TENM2: variants seen among roughly 807,000 people sequenced by gnomAD.
The protein encoded by TENM2 is teneurin-2.
In TENM2, 52 loss-of-function variants were observed where a neutral mutation model predicts 245.2. The observed-to-expected ratio is 0.21, with a 90% CI of 0.17 to 0.27. The LOEUF is 0.27. TENM2 is among the 10% of genes least tolerant of loss of function. The pLI is 1.00. For synonymous variants in TENM2, 1,363 were observed against 1,438.9 expected, an observed-to-expected ratio of 0.95 and a Z score of 1.19; for missense variants, 3,046 against 3,666.8, an observed-to-expected ratio of 0.83 and a Z score of 4.37.
At chr5:167,591,415 A>G (rs1421888625) in intron 2 of TENM2, among the ~76,000 whole-genome samples, 1 of 152,224 alleles carries the variant, frequency 6.6e-6, no homozygotes, top group Non-Finnish European at 1.5e-5. Flanking sequence ...CTATTACTCA[A>G]CCTAGGAACT....
At position 167,688,102 on chromosome 5, in the gene TENM2, A is replaced by C. The variant is rs1757194687; in HGVS notation, c.503-187884A>C. ...TTATGGAGAAACTGAGGGAGGGATC[A>C]GTCAAGTGATTTCAGCAACGTTATA... is the stretch of plus-strand genomic sequence containing the variant. On this transcript the variant is annotated intron_variant, in intron 2 of 28. Coordinates refer to ENST00000518659, the Ensembl canonical transcript of TENM2. Among the ~76,000 whole-genome samples, 5 of 152,330 alleles carry C rather than the reference A, an allele frequency of 3.3e-5. No individual in the cohort carries two copies. In the South Asian group the frequency reaches 1.0e-3, roughly 32 times the overall value.
rs1479526178 is a variant in TENM2, at chr5:167,746,539, G to A, written c.503-129447G>A. Among the ~76,000 whole-genome samples the A allele has an allele frequency of 3.9e-5, 6 of 152,110 alleles. No homozygotes were observed. In the South Asian group the frequency reaches 8.3e-4, roughly 21 times the overall value. ...CCTCATACACACATGTCTGAATTAC[G>A]TGGAACCAACTGCACATATAATGAG... is the stretch of plus-strand genomic sequence containing the variant. On this transcript the variant is annotated intron_variant, in intron 2 of 28. Transcript: ENST00000518659.
At chr5:167,289,561 A>T (rs1313591654) in intron 1 of TENM2, among the ~76,000 whole-genome samples, 1 of 152,238 alleles carries the variant, frequency 6.6e-6, no homozygotes, top group Non-Finnish European at 1.5e-5. Context: ...GATGTGCTTT[A>T]AAAAGCATGT....
chr5:167,013,040 T>C, the TENM2 span, among the ~76,000 whole-genome samples: 296 of 152,290 alleles, frequency 1.9e-3, 2 homozygotes, highest in East Asian at 0.031. Context: ...GGCCAGACCT[T>C]GTGGGCTTAT....
intron 5 of TENM2, among the ~76,000 whole-genome samples, chr5:168,034,469 T>C (rs1787485298): frequency 1.3e-5 from 2 of 151,812 alleles, no homozygotes; most frequent in African/African-American, 4.8e-5. Flanking sequence ...TGGTGGCTCA[T>C]ACTTGTAATC....
At chr5:168,185,672 T>C (rs1368103908) in intron 13 of TENM2, among the ~76,000 whole-genome samples, 2 of 151,970 alleles carry the variant, frequency 1.3e-5, no homozygotes, top group African/African-American at 4.8e-5. Context: ...TAAATTCTGC[T>C]CAATCTATAG....
the TENM2 span, among the ~76,000 whole-genome samples, chr5:167,064,936 T>C: frequency 6.6e-6 from 1 of 152,204 alleles, no homozygotes; most frequent in Non-Finnish European, 1.5e-5. Context: ...TGGCTGCTTC[T>C]GGAAATATTT....
chr5:167,328,347 C>T (rs1244606227), intron 1 of TENM2, among the ~76,000 whole-genome samples: 1 of 151,684 alleles, frequency 6.6e-6, no homozygotes, highest in South Asian at 2.1e-4. Context: ...GCTTGGACTA[C>T]AGGCACGCAC....
chr5:167,485,440 A>C (rs1767998404), intron 2 of TENM2, among the ~76,000 whole-genome samples: 1 of 152,332 alleles, frequency 6.6e-6, no homozygotes, highest in African/African-American at 2.4e-5. Flanking sequence ...TAAAAAATGA[A>C]ATTAACGTGT....
chr5:168,232,508 C>T (rs1046725624), intron 25 of TENM2, among the ~76,000 whole-genome samples: 1 of 152,206 alleles, frequency 6.6e-6, no homozygotes, highest in African/African-American at 2.4e-5. Flanking sequence ...TCCATGTAAT[C>T]ACTGCTCCCC....
At chr5:168,143,969 C>T (rs1376349296) in intron 12 of TENM2, among the ~76,000 whole-genome samples, 5 of 150,700 alleles carry the variant, frequency 3.3e-5, no homozygotes. Context: ...CCTGCCTCAG[C>T]CTCCCGAGTA....
chr5:167,456,826 G>C (rs1037181234), intron 2 of TENM2, among the ~76,000 whole-genome samples: 3 of 152,096 alleles, frequency 2.0e-5, no homozygotes, highest in African/African-American at 7.2e-5. Flanking sequence ...ATCAGGTTCA[G>C]GCAGATAATA....
Position 168,248,149 on chromosome 5 carries a change from G to A in TENM2, c.7210G>A (p.Asp2404Asn), listed in dbSNP as rs757925296. The A allele has an allele frequency of 5.4e-5, 87 of 1,613,828 alleles. No individual in the cohort carries two copies. Among genetic ancestry groups the A allele is most frequent in the Non-Finnish European group, 6.1e-5 (72 of 1,179,892 alleles). ...GGAGATTTATTATGACTCCAACCCCGACTTCCAGATGGTCATTGGCTTCCA... is the reference window on the plus strand; with the variant it reads ...GGAGATTTATTATGACTCCAACCCCAACTTCCAGATGGTCATTGGCTTCCA... The change falls in exon 27 of 29, where the codon GAC becomes AAC. Residue 2404 changes from aspartate (D) to asparagine (N), a missense_variant. Asp to Asn is a conservative substitution (Grantham distance 23, BLOSUM62 1). Transcript: ENST00000518659.
chr5:168,066,538 C>G (rs1790522020), intron 7 of TENM2, among the ~76,000 whole-genome samples: 1 of 152,210 alleles, frequency 6.6e-6, no homozygotes, highest in Non-Finnish European at 1.5e-5. Context: ...TACTCACCAG[C>G]AGCATTGTGG....
intron 7 of TENM2, among the ~76,000 whole-genome samples, chr5:168,069,006 C>T (rs1210880347): frequency 3.9e-5 from 6 of 152,104 alleles, no homozygotes; most frequent in African/African-American, 9.6e-5. Flanking sequence ...TTGAGAGGCA[C>T]GTCCCTTGCC....
intron 2 of TENM2, among the ~76,000 whole-genome samples, chr5:167,657,261 C>T (rs985333284): frequency 5.9e-5 from 9 of 152,196 alleles, no homozygotes; most frequent in Non-Finnish European, 1.0e-4. Flanking sequence ...GCTTATTTCA[C>T]TCAAGATAAT....
At chr5:167,183,776 C>T in the TENM2 span, among the ~76,000 whole-genome samples, 5,212 of 151,918 alleles carry the variant, frequency 0.034, 296 homozygotes, top group African/African-American at 0.12. Flanking sequence ...CCACCTGAGC[C>T]GTGAGAAAAA....
intron 2 of TENM2, among the ~76,000 whole-genome samples, chr5:167,520,936 T>C (rs1317366927): frequency 6.8e-6 from 1 of 148,144 alleles, no homozygotes; most frequent in Non-Finnish European, 1.5e-5. Flanking sequence ...TTTTTCCTTT[T>C]TTTTTTTTTT....
chr5:167,635,266 A>G (rs1286435723), intron 2 of TENM2, among the ~76,000 whole-genome samples: 1 of 152,200 alleles, frequency 6.6e-6, no homozygotes, highest in African/African-American at 2.4e-5. Context: ...GTTTCAGACT[A>G]CTGATAGAGT....
Sources: gnomAD v4.1 joint callset for allele counts (sites outside exome capture counted in the v4.1 genomes callset) on GRCh38, gnomAD v4.1.1 for gene constraint, MANE v1.5 for transcripts, NCBI Gene and HGNC (gene_info 2026-07-23, HGNC 2026-07-21) for gene names.